The following PTPRD variants were observed in gnomAD, a reference collection of about 807,000 sequenced individuals.
The protein encoded by PTPRD is receptor-type tyrosine-protein phosphatase delta.
PTPRD carries 34 observed loss-of-function variants against 214.5 expected under a neutral mutation model. The ratio of observed to expected loss-of-function variants is 0.16; its 90% CI spans 0.12 to 0.21. The LOEUF (loss-of-function observed/expected upper bound fraction) is 0.21, where lower values mean the gene tolerates loss of function less well. PTPRD is among the 10% of genes least tolerant of loss of function. PTPRD has a pLI of 1.00. For synonymous variants in PTPRD, 1,128 were observed against 845.7 expected, an observed-to-expected ratio of 1.33 and a Z score of -5.79; for missense variants, 2,545 against 2,398.7, an observed-to-expected ratio of 1.06 and a Z score of -1.27.
intron 2 of PTPRD, among the ~76,000 whole-genome samples, chr9:10,419,226 T>A (rs1043570636): frequency 6.6e-6 from 1 of 151,954 alleles, no homozygotes; most frequent in Non-Finnish European, 1.5e-5. Flanking sequence ...CCCTGTGATA[T>A]CCCATCAGTG....
chr9:9,545,227 T>G lies in PTPRD; in HGVS notation c.-237+29505A>C, dbSNP rs1384490462. On this transcript the variant is annotated intron_variant, in intron 8 of 45. Transcript: ENST00000381196. ...CATTCTATGGGTTTAGACAAATGTATAACGACACACACTTGCCACTGTAGC... is the reference window on the plus strand; with the variant it reads ...CATTCTATGGGTTTAGACAAATGTAGAACGACACACACTTGCCACTGTAGC... 2.6e-5 allele frequency among the ~76,000 whole-genome samples: 4 copies of G among 151,770 alleles called. No homozygotes were observed. In the East Asian group the frequency reaches 5.8e-4, roughly 22 times the overall value.
At chr9:9,601,512 T>C (rs768516083) in intron 7 of PTPRD, among the ~76,000 whole-genome samples, 5 of 152,138 alleles carry the variant, frequency 3.3e-5, no homozygotes, top group Admixed American at 3.3e-4. Context: ...CATCCTAAAA[T>C]GATAAAACCA....
intron 3 of PTPRD, among the ~76,000 whole-genome samples, chr9:10,288,229 A>G (rs1398655381): frequency 6.6e-6 from 1 of 151,960 alleles, no homozygotes. Context: ...GAAAAACTTT[A>G]AAAAATTAAC....
chr9:8,597,438 C>A (rs2094534537), intron 14 of PTPRD, among the ~76,000 whole-genome samples: 1 of 152,032 alleles, frequency 6.6e-6, no homozygotes, highest in South Asian at 2.1e-4. Context: ...TGTTAATACA[C>A]CCTCCTTGTT....
intron 12 of PTPRD, among the ~76,000 whole-genome samples, chr9:8,702,840 C>T (rs896855463): frequency 6.6e-6 from 1 of 152,188 alleles, no homozygotes; most frequent in Non-Finnish European, 1.5e-5. Flanking sequence ...AACTCCTGAT[C>T]TTGTGATTCG....
chr9:9,882,733 C>A (rs113856977), intron 5 of PTPRD, among the ~76,000 whole-genome samples: 1 of 152,046 alleles, frequency 6.6e-6, no homozygotes, highest in Admixed American at 6.6e-5. Context: ...CCCAACCCCC[C>A]TATACACCCC....
intron 12 of PTPRD, among the ~76,000 whole-genome samples, chr9:8,666,011 T>C (rs2097162319): frequency 6.6e-6 from 1 of 151,766 alleles, no homozygotes; most frequent in Non-Finnish European, 1.5e-5. Flanking sequence ...CCCGTAATTA[T>C]TACTGCACAT....
chr9:8,392,986 G>A (rs2090078827), intron 36 of PTPRD, among the ~76,000 whole-genome samples: 2 of 152,164 alleles, frequency 1.3e-5, no homozygotes, highest in Admixed American at 6.6e-5. Flanking sequence ...TTTTTAATGT[G>A]ACATATTTAG....
chr9:8,389,884 T>G (rs2088816670), intron 36 of PTPRD, among the ~76,000 whole-genome samples: 1 of 152,146 alleles, frequency 6.6e-6, no homozygotes, highest in African/African-American at 2.4e-5. Context: ...TATAAACTCA[T>G]TTAATATTTA....
chr9:9,071,117 G>T (rs971900946), intron 10 of PTPRD, among the ~76,000 whole-genome samples: 15 of 152,080 alleles, frequency 9.9e-5, no homozygotes, highest in African/African-American at 3.4e-4. Flanking sequence ...GTCTCCCTAT[G>T]TTGCCAGTGC....
intron 5 of PTPRD, among the ~76,000 whole-genome samples, chr9:9,787,772 T>TTTATTATTA (rs373362978): frequency 1.1e-3 from 162 of 149,132 alleles, no homozygotes; most frequent in African/African-American, 2.9e-3. Context: ...CAATTTTTTA[T>TTTATTATTA]TTATTATTAT....
chr9:8,718,012 G>C (rs2098454826), intron 12 of PTPRD, among the ~76,000 whole-genome samples: 1 of 152,166 alleles, frequency 6.6e-6, no homozygotes, highest in Non-Finnish European at 1.5e-5. Context: ...CTGCAACATA[G>C]TGAGCACTAA....
At chr9:10,006,531 C>T (rs1405476417) in intron 4 of PTPRD, among the ~76,000 whole-genome samples, 5 of 151,914 alleles carry the variant, frequency 3.3e-5, no homozygotes, top group Non-Finnish European at 5.9e-5. Flanking sequence ...TTACAGAATT[C>T]AGGGTATTAG....
intron 35 of PTPRD, among the ~76,000 whole-genome samples, chr9:8,426,430 T>C (rs1038250478): frequency 1.3e-5 from 2 of 152,204 alleles, no homozygotes; most frequent in East Asian, 1.9e-4. Context: ...TACTTTGAAA[T>C]AAAAATGCAA....
Position 10,571,904 on chromosome 9 carries a change from C to T in PTPRD, c.-600+40494G>A, listed in dbSNP as rs1034465438. Among the ~76,000 whole-genome samples the T allele has an allele frequency of 3.3e-5, 5 of 152,124 alleles. No individual in the cohort carries two copies. In the East Asian group the frequency reaches 7.7e-4, roughly 24 times the overall value. On this transcript the variant is annotated intron_variant, in intron 2 of 45. Coordinates refer to ENST00000381196, the MANE Select transcript of PTPRD (RefSeq NM_002839.4). ...GAGCTCAGGCAGTAAGGCTTGCTCG[C>T]CCACTACTCACCTCCTGCTGAGAGG... is the stretch of plus-strand genomic sequence containing the variant.
intron 35 of PTPRD, among the ~76,000 whole-genome samples, chr9:8,410,349 C>T (rs2093415158): frequency 6.6e-6 from 1 of 152,204 alleles, no homozygotes; most frequent in Admixed American, 6.5e-5. Flanking sequence ...TGTTAGCTTT[C>T]TGGCTGCCCC....
chr9:9,519,324 T>C (rs1177570264), intron 8 of PTPRD, among the ~76,000 whole-genome samples: 2 of 148,756 alleles, frequency 1.3e-5, no homozygotes, highest in African/African-American at 5.0e-5. Context: ...CTATACAAAG[T>C]AGAAGAAAGA....
chr9:10,135,376 G>A (rs562243746), intron 3 of PTPRD, among the ~76,000 whole-genome samples: 3 of 151,910 alleles, frequency 2.0e-5, no homozygotes, highest in African/African-American at 7.3e-5. Context: ...AAAATACACA[G>A]AACCCCCATG....
chr9:9,588,815 A>G (rs2092392423), intron 7 of PTPRD, among the ~76,000 whole-genome samples: 1 of 152,044 alleles, frequency 6.6e-6, no homozygotes, highest in African/African-American at 2.4e-5. Context: ...GAGTATAATG[A>G]GGAATTATTA....
Sources: gnomAD v4.1 joint callset for allele counts (sites outside exome capture counted in the v4.1 genomes callset) on GRCh38, gnomAD v4.1.1 for gene constraint, MANE v1.5 for transcripts, NCBI Gene and HGNC (gene_info 2026-07-23, HGNC 2026-07-21) for gene names.